Variants in SPOCK1 observed in about 807,000 individuals in gnomAD.
The protein encoded by SPOCK1 is testican-1.
Under a neutral mutation model 55.3 loss-of-function variants are expected in SPOCK1, and 23 were observed. The observed-to-expected ratio is 0.42, with a 90% CI of 0.30 to 0.59. The LOEUF (loss-of-function observed/expected upper bound fraction) is 0.59, where lower values mean the gene tolerates loss of function less well. SPOCK1 is among the 20% of genes least tolerant of loss of function. The probability of loss-of-function intolerance (pLI) is 0.22; values close to 1 mark genes in which losing one functional copy is unlikely to be tolerated. For missense variants in SPOCK1, 499 were observed against 552.5 expected, an observed-to-expected ratio of 0.90 and a Z score of 0.97; for synonymous variants, 226 against 221.0, an observed-to-expected ratio of 1.02 and a Z score of -0.20.
At chr5:137,209,315 C>A (rs757981829) in intron 3 of SPOCK1, among the ~76,000 whole-genome samples, 6 of 152,142 alleles carry the variant, frequency 3.9e-5, no homozygotes, top group Non-Finnish European at 8.8e-5. Context: ...ATTAAGGCTG[C>A]CAAAACCCTA....
intron 4 of SPOCK1, among the ~76,000 whole-genome samples, chr5:137,138,758 G>A (rs1007215441): frequency 2.7e-5 from 4 of 147,754 alleles, no homozygotes; most frequent in Non-Finnish European, 5.9e-5. Flanking sequence ...CAATGAACTT[G>A]ACTTTCCTTG....
At chr5:137,040,294 A>G (rs1481816360) in intron 6 of SPOCK1, among the ~76,000 whole-genome samples, 1 of 152,344 alleles carries the variant, frequency 6.6e-6, no homozygotes, top group East Asian at 1.9e-4. Context: ...TTACTGTTCA[A>G]TGCATTCTGA....
chr5:137,251,280 C>T (rs1461986630), intron 3 of SPOCK1, among the ~76,000 whole-genome samples: 1 of 152,216 alleles, frequency 6.6e-6, no homozygotes, highest in Non-Finnish European at 1.5e-5. Flanking sequence ...TGAATCCCAA[C>T]CAACCTCACC....
At chr5:137,318,748 A>T (rs1232711976) in intron 2 of SPOCK1, among the ~76,000 whole-genome samples, 1 of 152,118 alleles carries the variant, frequency 6.6e-6, no homozygotes, top group African/African-American at 2.4e-5. Context: ...GAAAGCTAAG[A>T]CTCTAAAAAC....
chr5:137,161,972 G>A (rs756573986), intron 3 of SPOCK1, among the ~76,000 whole-genome samples: 28 of 152,098 alleles, frequency 1.8e-4, no homozygotes, highest in Non-Finnish European at 3.7e-4. Context: ...ATCTCAGTGT[G>A]AATTCAGATC....
chr5:137,390,176 G>T (rs1751687994), intron 2 of SPOCK1, among the ~76,000 whole-genome samples: 1 of 152,146 alleles, frequency 6.6e-6, no homozygotes, highest in South Asian at 2.1e-4. Flanking sequence ...TTAATAAAAA[G>T]GGCAAAATAC....
chr5:137,488,555 C>T (rs1439899116), intron 2 of SPOCK1, among the ~76,000 whole-genome samples: 4 of 152,154 alleles, frequency 2.6e-5, no homozygotes, highest in South Asian at 2.1e-4. Flanking sequence ...TCTAACAGAC[C>T]GCTCTGGGCA....
chr5:137,435,591 G>A (rs1561535193), intron 2 of SPOCK1, among the ~76,000 whole-genome samples: 2 of 152,102 alleles, frequency 1.3e-5, no homozygotes, highest in South Asian at 2.1e-4. Flanking sequence ...TTCTTAAGGG[G>A]CACATATAAG....
intron 2 of SPOCK1, among the ~76,000 whole-genome samples, chr5:137,463,001 C>A (rs985359878): frequency 1.3e-5 from 2 of 152,170 alleles, no homozygotes; most frequent in Non-Finnish European, 1.5e-5. Flanking sequence ...CCAAATCATT[C>A]AGGGGCTTCA....
chr5:137,483,154 G>A (rs1753984397), intron 2 of SPOCK1, among the ~76,000 whole-genome samples: 1 of 152,160 alleles, frequency 6.6e-6, no homozygotes, highest in African/African-American at 2.4e-5. Flanking sequence ...CTAACATGGT[G>A]AAACTCTGTC....
chr5:137,263,170 T>TG (rs1490332700), intron 3 of SPOCK1, among the ~76,000 whole-genome samples: 6 of 149,492 alleles, frequency 4.0e-5, no homozygotes, highest in Admixed American at 2.7e-4. Flanking sequence ...AGGTGTGTAG[T>TG]GGAAAAAAAT....
intron 4 of SPOCK1, among the ~76,000 whole-genome samples, chr5:137,123,723 G>A (rs1378094680): frequency 1.3e-5 from 2 of 152,068 alleles, no homozygotes; most frequent in African/African-American, 2.4e-5. Context: ...AGGCAGGCTC[G>A]CAATACTGCA....
At chr5:137,262,679 A>G (rs968295313) in intron 3 of SPOCK1, among the ~76,000 whole-genome samples, 2 of 152,244 alleles carry the variant, frequency 1.3e-5, no homozygotes, top group Non-Finnish European at 2.9e-5. Flanking sequence ...CAGCTCCAAT[A>G]ATGGGGATCT....
chr5:137,127,256 A>T (rs2127041741), intron 4 of SPOCK1, among the ~76,000 whole-genome samples: 1 of 152,386 alleles, frequency 6.6e-6, no homozygotes, highest in African/African-American at 2.4e-5. Context: ...CCAGAGTACA[A>T]GAGCCACAGT....
Position 137,124,119 on chromosome 5 carries a change from C to T in SPOCK1, c.348-11558G>A, listed in dbSNP as rs545595646. Reference sequence around the variant, plus strand: ...CAACAAGCCAACTTTCCACGTACCACAAGACGAAGAAAATGGTGCAAGGAG... The same window carrying T: ...CAACAAGCCAACTTTCCACGTACCATAAGACGAAGAAAATGGTGCAAGGAG... On this transcript the variant is annotated intron_variant, in intron 4 of 10. Transcript: ENST00000394945. Among the ~76,000 whole-genome samples the T allele has an allele frequency of 5.9e-5, 9 of 152,272 alleles. No homozygotes were observed. The South Asian group carries it at 1.9e-3, about 32-fold the overall frequency.
chr5:137,395,496 C>G (rs1418496992), intron 2 of SPOCK1, among the ~76,000 whole-genome samples: 1 of 152,124 alleles, frequency 6.6e-6, no homozygotes, highest in Non-Finnish European at 1.5e-5. Context: ...TTTTATCAGG[C>G]CTGTGAATCT....
intron 2 of SPOCK1, among the ~76,000 whole-genome samples, chr5:137,342,875 C>T (rs1188579574): frequency 6.6e-6 from 1 of 152,200 alleles, no homozygotes; most frequent in African/African-American, 2.4e-5. Context: ...TTGTTCTTAC[C>T]TGACCCTTTC....
In SPOCK1 at chr5:137,043,723, G is replaced by T. The variant is rs75227460; in HGVS notation, c.589+23992C>A. Among the ~76,000 whole-genome samples the T allele has an allele frequency of 4.5e-3, 689 of 152,234 alleles. 4 individuals are homozygous for T. Among genetic ancestry groups the T allele is most frequent in the African/African-American group, 0.016 (648 of 41,544 alleles). On this transcript the variant is annotated intron_variant, in intron 6 of 10. Transcript: ENST00000394945. Reference sequence around the variant, plus strand: ...CAAATCCTAATTGAGGGACATTTTAGAAAATACCTGACCAGTACTCAGAAC... The same window carrying T: ...CAAATCCTAATTGAGGGACATTTTATAAAATACCTGACCAGTACTCAGAAC...
intron 9 of SPOCK1, among the ~76,000 whole-genome samples, chr5:136,983,380 T>TGGAACACCATGTCTATCACTTAGGAAA (rs1188067227): frequency 1.3e-5 from 2 of 152,164 alleles, no homozygotes; most frequent in Non-Finnish European, 2.9e-5. Context: ...AATGAGACCA[T>TGGAACACCATGTCTATCACTTAGGAAA]GGAACACCAT....
Sources: gnomAD v4.1 joint callset for allele counts (sites outside exome capture counted in the v4.1 genomes callset) on GRCh38, gnomAD v4.1.1 for gene constraint, MANE v1.5 for transcripts, NCBI Gene and HGNC (gene_info 2026-07-23, HGNC 2026-07-21) for gene names.